PTPDC1: variants seen among roughly 807,000 people sequenced by gnomAD.
PTPDC1 encodes the protein protein tyrosine phosphatase domain containing 1.
In PTPDC1, 53 loss-of-function variants were observed where a neutral mutation model predicts 75.3. The ratio of observed to expected loss-of-function variants is 0.70; its 90% CI spans 0.56 to 0.88. The LOEUF (loss-of-function observed/expected upper bound fraction) is 0.88, where lower values mean the gene tolerates loss of function less well. Among genes scored for constraint, PTPDC1 ranks in the 40% least tolerant of loss-of-function variants. PTPDC1 has a pLI of 0.00. For missense variants in PTPDC1, 925 were observed against 998.6 expected, an observed-to-expected ratio of 0.93 and a Z score of 0.99; for synonymous variants, 349 against 366.2, an observed-to-expected ratio of 0.95 and a Z score of 0.54.
At chr9:94,068,594 T>C (rs568818141) in intron 2 of PTPDC1, among the ~76,000 whole-genome samples, 1 of 152,300 alleles carries the variant, frequency 6.6e-6, no homozygotes, top group East Asian at 1.9e-4. Context: ...TTATTCTTTC[T>C]CCCCTCATAG....
At chr9:94,077,416 A>G (rs1040811942) in intron 2 of PTPDC1, among the ~76,000 whole-genome samples, 8 of 152,310 alleles carry the variant, frequency 5.3e-5, no homozygotes, top group African/African-American at 1.9e-4. Context: ...CACAAGCCCC[A>G]GCTTGTTTAA....
chr9:94,064,266 T>C (rs1826227698), intron 1 of PTPDC1, among the ~76,000 whole-genome samples: 1 of 152,230 alleles, frequency 6.6e-6, no homozygotes, highest in Non-Finnish European at 1.5e-5. Context: ...ACTTAGTGTG[T>C]GTTAATCCTA....
rs966319710 is a variant in PTPDC1 at position 94,097,469 on chromosome 9, C to T, written c.903C>T (p.Leu301=). 1.9e-6 allele frequency: 3 copies of T among 1,614,208 alleles called. No individual in the cohort carries two copies. The highest frequency in any genetic ancestry group is 1.3e-5 in the African/African-American group (1 of 75,044). The change falls in exon 6 of 9, where the codon CTC becomes CTT. Residue 301 remains leucine, a synonymous_variant. Coordinates refer to ENST00000620992, the MANE Select transcript of PTPDC1 (RefSeq NM_001253829.2). The part of the protein sequence containing the change: ...VREFTQFLTP[L]RNIFSCCDPK... Reference sequence around the variant, plus strand: ...AATTTACTCAGTTTCTAACTCCTCTCCGCAATATATTCTCTTGCTGTGATC... The same window carrying T: ...AATTTACTCAGTTTCTAACTCCTCTTCGCAATATATTCTCTTGCTGTGATC...
At chr9:94,052,509 T>C (rs1446330403) in intron 1 of PTPDC1, among the ~76,000 whole-genome samples, 1 of 152,178 alleles carries the variant, frequency 6.6e-6, no homozygotes, top group African/African-American at 2.4e-5. Flanking sequence ...CTTACTGATT[T>C]TTCTGCCTGC....
At position 94,095,469 on chromosome 9, in the gene PTPDC1, G is replaced by A; in HGVS notation, c.754+15G>A. 2 of 1,593,842 alleles carry A rather than the reference G, an allele frequency of 1.3e-6. No homozygotes were observed. Among genetic ancestry groups the A allele is most frequent in the Non-Finnish European group, 8.5e-7 (1 of 1,169,836 alleles). On this transcript the variant is annotated intron_variant, in intron 5 of 8. Transcript: ENST00000620992. ...TGGTCGAACAGGTAGGTCCTAAGAG[G>A]TGGTTTATTGCCTGTAGGCATATTT...
At chr9:94,042,832 C>G (rs138385084) in intron 1 of PTPDC1, among the ~76,000 whole-genome samples, 2 of 152,354 alleles carry the variant, frequency 1.3e-5, no homozygotes, top group East Asian at 3.9e-4. Context: ...AACCCTGCCA[C>G]TGCTTTATCA....
At chr9:94,060,328 A>C (rs988702861) in intron 1 of PTPDC1, among the ~76,000 whole-genome samples, 1 of 152,234 alleles carries the variant, frequency 6.6e-6, no homozygotes, top group African/African-American at 2.4e-5. Flanking sequence ...GATATTGTGG[A>C]GAGTGTGCTC....
At position 94,108,789 on chromosome 9, in the gene PTPDC1, G is replaced by A. The variant is rs1490259035; in HGVS notation, c.*845G>A. 1 of 152,340 alleles carries A rather than the reference G, an allele frequency of 6.6e-6. No individual in the cohort carries two copies. Among genetic ancestry groups the A allele is most frequent in the African/African-American group, 2.4e-5 (1 of 41,458 alleles). The allele number at this position is 152,340 out of a possible 1,614,324, so 9.4% of individuals were successfully genotyped here. On this transcript the variant is annotated 3_prime_UTR_variant, in exon 9 of 9. Transcript: ENST00000620992. ...GTGTGGAAAGTTGCTAAGAAGCAGG[G>A]CTTGCCTCTGTCCTCCCGGGGACTC...
At chr9:94,060,590 G>A (rs1241848139) in intron 1 of PTPDC1, among the ~76,000 whole-genome samples, 4 of 152,162 alleles carry the variant, frequency 2.6e-5, no homozygotes, top group African/African-American at 9.7e-5. Context: ...AGGTGTACAG[G>A]AAGCATGGCA....
chr9:94,081,280 A>G (rs957546074), upstream of PTPDC1, among the ~76,000 whole-genome samples: 4 of 152,176 alleles, frequency 2.6e-5, no homozygotes, highest in African/African-American at 9.6e-5. Context: ...ATGAGCCACC[A>G]TGCCCAGCCA....
chr9:94,077,112 A>T (rs1460812917), intron 2 of PTPDC1, among the ~76,000 whole-genome samples: 1 of 152,230 alleles, frequency 6.6e-6, no homozygotes, highest in Non-Finnish European at 1.5e-5. Flanking sequence ...AGTCATCAAC[A>T]CTATTTAAAT....
intron 4 of PTPDC1, among the ~76,000 whole-genome samples, chr9:94,092,026 A>AT (rs1342238966): frequency 6.8e-6 from 1 of 146,794 alleles, no homozygotes; most frequent in African/African-American, 2.7e-5. Flanking sequence ...GATCTTTTCA[A>AT]AAAACAAGCT....
intron 1 of PTPDC1, among the ~76,000 whole-genome samples, chr9:94,033,178 A>C (rs1455887652): frequency 6.6e-6 from 1 of 152,138 alleles, no homozygotes; most frequent in Admixed American, 6.6e-5. Flanking sequence ...CCTTTTTCAA[A>C]ACCAACAACT....
chr9:94,086,398 T>C (rs1307334035), intron 2 of PTPDC1, among the ~76,000 whole-genome samples: 1 of 152,238 alleles, frequency 6.6e-6, no homozygotes, highest in Non-Finnish European at 1.5e-5. Flanking sequence ...CCTCTGCTGC[T>C]TTCACGTTAC....
chr9:94,037,471 A>G (rs936058514), intron 1 of PTPDC1, among the ~76,000 whole-genome samples: 7 of 152,114 alleles, frequency 4.6e-5, no homozygotes, highest in African/African-American at 1.2e-4. Context: ...CTTATTTTAT[A>G]TATGTGTATG....
chr9:94,097,745 T>C lies in PTPDC1; in HGVS notation c.1179T>C (p.His393=). Residue 393 remains histidine (H), a synonymous_variant, in exon 6 of 9, where the codon CAT becomes CAC. Coordinates refer to ENST00000620992, the MANE Select transcript of PTPDC1 (RefSeq NM_001253829.2). ...TMQLDKELLR[H]DSDVSNPPNP... ...AGCTGGATAAAGAGTTACTGAGGCA[T>C]GACAGTGATGTGTCCAACCCGCCTA... 5 of 1,614,206 alleles carry C rather than the reference T, an allele frequency of 3.1e-6. No homozygotes were observed. Among genetic ancestry groups the C allele is most frequent in the Non-Finnish European group, 4.2e-6 (5 of 1,180,040 alleles).
intron 1 of PTPDC1, among the ~76,000 whole-genome samples, chr9:94,060,921 A>C (rs1410592280): frequency 6.6e-6 from 1 of 152,096 alleles, no homozygotes; most frequent in East Asian, 1.9e-4. Flanking sequence ...GGCCCCTCCA[A>C]ATCTCATGTC....
At chr9:94,070,786 T>G (rs944899182) in intron 2 of PTPDC1, among the ~76,000 whole-genome samples, 5 of 152,218 alleles carry the variant, frequency 3.3e-5, no homozygotes, top group African/African-American at 1.2e-4. Context: ...TAGGAGTGAC[T>G]TTTTTCAGTC....
At chr9:94,061,773 G>A (rs1017984133) in intron 1 of PTPDC1, among the ~76,000 whole-genome samples, 1 of 152,236 alleles carries the variant, frequency 6.6e-6, no homozygotes, top group African/African-American at 2.4e-5. Flanking sequence ...GGGCAGCAGG[G>A]CCCTGGGCAT....
Sources: gnomAD v4.1 joint callset for allele counts (sites outside exome capture counted in the v4.1 genomes callset) on GRCh38, gnomAD v4.1.1 for gene constraint, MANE v1.5 for transcripts, NCBI Gene and HGNC (gene_info 2026-07-23, HGNC 2026-07-21) for gene names.